RBM27: variants seen among roughly 807,000 people sequenced by gnomAD.
The protein encoded by RBM27 is RNA binding motif protein 27.
In RBM27, 22 loss-of-function variants were observed where a neutral mutation model predicts 135.3. That is an observed-to-expected ratio of 0.16 (90% confidence interval 0.12 to 0.23). RBM27 has a LOEUF of 0.23. RBM27 is among the 10% of genes least tolerant of loss of function. The probability of loss-of-function intolerance (pLI) is 1.00; values close to 1 mark genes in which losing one functional copy is unlikely to be tolerated. For missense variants in RBM27, 1,009 were observed against 1,281.0 expected, an observed-to-expected ratio of 0.79 and a Z score of 3.24; for synonymous variants, 481 against 442.4, an observed-to-expected ratio of 1.09 and a Z score of -1.10.
At position 146,280,162 on chromosome 5, in the gene RBM27, A is replaced by T. The variant is rs528892337; in HGVS notation, c.2989-4460A>T. On this transcript the variant is annotated intron_variant, in intron 19 of 20. Transcript: ENST00000265271. Reference sequence around the variant, plus strand: ...CAACCTCCACCTCCCAGGTTCAGGGATTCTCCTTTCTTCGCCTCCTGAGTA... The same window carrying T: ...CAACCTCCACCTCCCAGGTTCAGGGTTTCTCCTTTCTTCGCCTCCTGAGTA... Among the ~76,000 whole-genome samples the T allele has an allele frequency of 1.3e-4, 19 of 151,392 alleles. No homozygotes were observed. The East Asian group carries it at 2.9e-3, about 23-fold the overall frequency.
intron 14 of RBM27, among the ~76,000 whole-genome samples, chr5:146,265,069 A>T (rs558143739): frequency 1.1e-4 from 17 of 152,352 alleles, no homozygotes; most frequent in African/African-American, 4.1e-4. Flanking sequence ...CATATGCATT[A>T]CTAAACTAGT....
intron 19 of RBM27, among the ~76,000 whole-genome samples, chr5:146,277,734 A>G (rs916355344): frequency 1.0e-4 from 15 of 146,714 alleles, no homozygotes; most frequent in Admixed American, 2.1e-4. Context: ...GGGTTTCACC[A>G]TGTTGGTCAG....
rs35058804 is a variant in RBM27 at position 146,254,579 on chromosome 5, A to C, written c.1445-364A>C. Among the ~76,000 whole-genome samples, 760 of 152,252 alleles carry C rather than the reference A, an allele frequency of 5.0e-3. 6 individuals are homozygous for C. Among genetic ancestry groups the C allele is most frequent in the African/African-American group, 0.017 (722 of 41,526 alleles). The stretch of plus-strand genomic sequence containing the variant: ...AGGAAAAAAATAAAAATAAAAAAAA[A>C]CCAGTACAATAATTAAAAGGAATGC... On this transcript the variant is annotated intron_variant, in intron 9 of 20. Coordinates refer to ENST00000265271, the MANE Select transcript of RBM27 (RefSeq NM_018989.2).
rs1170510493 is a variant in RBM27, at chr5:146,203,656, C to G, written c.-110C>G. 3.9e-6 allele frequency: 4 copies of G among 1,019,564 alleles called. No individual in the cohort carries two copies. The highest frequency in any genetic ancestry group is 5.9e-6 in the Non-Finnish European group (4 of 672,658). 63.2% of individuals were successfully genotyped at this position (1,019,564 alleles called of 1,614,324 possible). Reference sequence around the variant, plus strand: ...AGTAGGTTGAAGTCTCCTAAGATGCCCGGTGGGCTGGGGCACCGGGAGCTG... The same window carrying G: ...AGTAGGTTGAAGTCTCCTAAGATGCGCGGTGGGCTGGGGCACCGGGAGCTG... On this transcript the variant is annotated 5_prime_UTR_variant, in exon 1 of 21. Coordinates refer to ENST00000265271, the MANE Select transcript of RBM27 (RefSeq NM_018989.2).
chr5:146,265,933 G>A (rs562506886), intron 14 of RBM27, among the ~76,000 whole-genome samples: 1 of 152,108 alleles, frequency 6.6e-6, no homozygotes, highest in South Asian at 2.1e-4. Flanking sequence ...ATCTTAAGCG[G>A]GAAAAAAAAG....
intron 13 of RBM27, among the ~76,000 whole-genome samples, 188 bp downstream of exon 13, chr5:146,261,994 C>T (rs962174658): frequency 1.3e-5 from 2 of 152,178 alleles, no homozygotes; most frequent in Non-Finnish European, 2.9e-5. Flanking sequence ...GATTCTTGAG[C>T]CATACTCCAT....
chr5:146,258,615 T>G (rs776167156), intron 11 of RBM27, 22 bp downstream of exon 11: 51 of 1,541,984 alleles, frequency 3.3e-5, no homozygotes, highest in Non-Finnish European at 4.3e-5. Flanking sequence ...TGCTAATTAG[T>G]AGCATCTAAT....
At position 146,286,596 on chromosome 5, in the gene RBM27, T is replaced by C. The variant is rs1419274068; in HGVS notation, c.*566T>C. ...CAGTCTAAATTTGTTTTTCATGGTT[T>C]TTATGTGTGGTAGTACTAGTTCAGT... On this transcript the variant is annotated 3_prime_UTR_variant, in exon 21 of 21. Transcript: ENST00000265271. The C allele has an allele frequency of 6.6e-6, 1 of 152,044 alleles. No homozygotes were observed. Among genetic ancestry groups the C allele is most frequent in the African/African-American group, 2.4e-5 (1 of 41,366 alleles). 9.4% of individuals were successfully genotyped at this position (152,044 alleles called of 1,614,324 possible).
rs1172538725 is a variant in RBM27 at position 146,229,858 on chromosome 5, T to C, written c.537T>C (p.Ser179=). The C allele has an allele frequency of 1.9e-6, 3 of 1,613,928 alleles. No individual in the cohort carries two copies. The East Asian group carries it at 6.7e-5, about 36-fold the overall frequency. Residue 179 remains serine, a synonymous_variant, in exon 5 of 21, where the codon AGT becomes AGC. Transcript: ENST00000265271. ...SRSKSRGLSR[S]RSRSRGRSKD... ...GTAAGAGTCGAGGCCTGAGTCGCAG[T>C]AGAAGCCGAAGTAGGGGGCGCAGCA...
At chr5:146,284,786 AT>A (rs1159466446) in intron 20 of RBM27, 54 bp downstream of exon 20, 3 of 1,070,436 alleles carry the variant, frequency 2.8e-6, no homozygotes, top group African/African-American at 1.6e-5. Flanking sequence ...TCAATTATGT[AT>A]TTTTTATGAT....
chr5:146,239,041 A>G (rs1044684850), intron 8 of RBM27, among the ~76,000 whole-genome samples: 5 of 152,304 alleles, frequency 3.3e-5, no homozygotes, highest in South Asian at 2.1e-4. Flanking sequence ...TGAAATTTCA[A>G]ACTCTGAAAT....
At chr5:146,228,861 C>A in intron 3 of RBM27, 85 bp from the exon 4 acceptor site, 1 of 1,066,756 alleles carries the variant, frequency 9.4e-7, no homozygotes, top group Non-Finnish European at 1.4e-6. Flanking sequence ...AGTCTTCCCA[C>A]CTGGACCTCG....
At chr5:146,275,945 C>T (rs932184127) in intron 19 of RBM27, among the ~76,000 whole-genome samples, 2 of 152,168 alleles carry the variant, frequency 1.3e-5, no homozygotes, top group African/African-American at 4.8e-5. Context: ...AGAAATTCAG[C>T]TGCTCAGATT....
At chr5:146,234,427 T>C (rs1757074651) in intron 7 of RBM27, among the ~76,000 whole-genome samples, 3 of 152,130 alleles carry the variant, frequency 2.0e-5, no homozygotes, top group Non-Finnish European at 4.4e-5. Context: ...GTTGGTTTTT[T>C]GCTGGAGTAA....
intron 1 of RBM27, among the ~76,000 whole-genome samples, chr5:146,217,817 G>A (rs1326375536): frequency 6.6e-6 from 1 of 152,088 alleles, no homozygotes; most frequent in African/African-American, 2.4e-5. Context: ...CTGGAGTGCA[G>A]TGGTGTGATC....
chr5:146,215,037 A>G (rs887354351), intron 1 of RBM27, among the ~76,000 whole-genome samples: 4 of 152,138 alleles, frequency 2.6e-5, no homozygotes, highest in African/African-American at 7.2e-5. Context: ...AATATATGTA[A>G]AAGATATCTG....
At chr5:146,258,347 T>C (rs1758212919) in intron 10 of RBM27, 102 bp from the exon 11 acceptor site, 1 of 827,482 alleles carries the variant, frequency 1.2e-6, no homozygotes, top group Non-Finnish European at 1.7e-6. Context: ...AGAGAAATGA[T>C]AGTAGTTGAG....
Position 146,285,825 on chromosome 5 carries a change from C to G in RBM27, c.3100-122C>G, listed in dbSNP as rs1759558437. ...TTTTTTGCCCTGAAAGATACTCTTG[C>G]ATGCATCCCTTATGAAATCTAGCCT... On this transcript the variant is annotated intron_variant, in intron 20 of 20. Coordinates refer to ENST00000265271, the MANE Select transcript of RBM27 (RefSeq NM_018989.2). The G allele has an allele frequency of 6.3e-6, 4 of 634,062 alleles. No homozygotes were observed. In the Admixed American group the frequency reaches 1.3e-4, roughly 21 times the overall value. 39.3% of individuals were successfully genotyped at this position (634,062 alleles called of 1,614,324 possible).
intron 3 of RBM27, among the ~76,000 whole-genome samples, chr5:146,226,201 A>G (rs1188187459): frequency 6.6e-6 from 1 of 151,176 alleles, no homozygotes; most frequent in African/African-American, 2.4e-5. Context: ...TTTCATAGAC[A>G]TTTTTCTTTG....
Sources: gnomAD v4.1 joint callset for allele counts (sites outside exome capture counted in the v4.1 genomes callset) on GRCh38, gnomAD v4.1.1 for gene constraint, MANE v1.5 for transcripts, NCBI Gene and HGNC (gene_info 2026-07-23, HGNC 2026-07-21) for gene names.